The following UNC5A variants were observed in gnomAD, a reference collection of about 807,000 sequenced individuals.
UNC5A encodes unc-5 netrin receptor A.
UNC5A carries 20 observed loss-of-function variants against 87.4 expected under a neutral mutation model. That is an observed-to-expected ratio of 0.23 (90% CI 0.16 to 0.33). The LOEUF is 0.33. Ranked by LOEUF, UNC5A falls within the 10% of genes least tolerant of loss-of-function variation. The pLI is 1.00. For missense variants in UNC5A, 844 were observed against 1,133.4 expected (o/e 0.74, Z 3.67); for synonymous variants, 438 against 482.3 (o/e 0.91, Z 1.20).
intron 1 of UNC5A, among the ~76,000 whole-genome samples, chr5:176,855,544 G>C (rs1386310587): frequency 2.0e-5 from 3 of 152,252 alleles, no homozygotes; most frequent in African/African-American, 7.2e-5. Context: ...CAGCCAGAAA[G>C]TGAGAGGGAG....
At chr5:176,872,784 C>T (rs867144619) in intron 6 of UNC5A, among the ~76,000 whole-genome samples, 3 of 99,350 alleles carry the variant, frequency 3.0e-5, no homozygotes, top group Admixed American at 2.0e-4. Flanking sequence ...CTGCCCACAC[C>T]TGCCCCAACA....
chr5:176,830,489 C>T (rs1392493959), intron 1 of UNC5A, among the ~76,000 whole-genome samples: 5 of 111,342 alleles, frequency 4.5e-5, no homozygotes, highest in African/African-American at 1.5e-4. Context: ...TGTGTGCCGG[C>T]GTATGTGTGT....
Position 176,879,396 on chromosome 5 carries a change from C to T in UNC5A, c.2271C>T (p.Phe757=), listed in dbSNP as rs1758357280. The change falls in exon 14 of 15, where the codon TTC becomes TTT. Residue 757 remains phenylalanine (F), a synonymous_variant. Transcript: ENST00000329542. ...LVGPSAFKIP[F]LIRQKIISSL... ...GCCCCAGTGCCTTCAAGATCCCCTT[C>T]CTCATTCGGCAGAAGATAATTTCCA... The T allele has an allele frequency of 1.2e-6, 2 of 1,612,910 alleles. No individual in the cohort carries two copies. The highest frequency in any genetic ancestry group is 1.7e-5 in the Admixed American group (1 of 59,990).
intron 1 of UNC5A, among the ~76,000 whole-genome samples, chr5:176,850,722 GT>G (rs1757521410): frequency 1.3e-5 from 2 of 152,190 alleles, no homozygotes; most frequent in Admixed American, 1.3e-4. Flanking sequence ...TGGGAGCTGG[GT>G]TTGTCCCTAG....
chr5:176,880,001 T>A lies in UNC5A; in HGVS notation c.*115T>A, dbSNP rs1479544443. 1.5e-6 allele frequency: 2 copies of A among 1,363,302 alleles called. No individual in the cohort carries two copies. Among genetic ancestry groups the A allele is most frequent in the Admixed American group, 5.1e-5 (2 of 39,208 alleles). 84.5% of individuals were successfully genotyped at this position (1,363,302 alleles called of 1,614,324 possible). A position where few individuals can be genotyped will look rare whatever the true frequency, so the allele number is the denominator to read the frequency against. On this transcript the variant is annotated 3_prime_UTR_variant, in exon 15 of 15. Transcript: ENST00000329542. The stretch of plus-strand genomic sequence containing the variant: ...GGGAGAGCTGCTCGGACAGGCCCCC[T>A]CCCGGCCGAAGCTGTCCCTTAATGC...
At chr5:176,827,923 A>T (rs559389685) in intron 1 of UNC5A, among the ~76,000 whole-genome samples, 8 of 90,396 alleles carry the variant, frequency 8.8e-5, no homozygotes, top group African/African-American at 3.4e-4. Context: ...TCGTGGTTCA[A>T]GATTGGCAAC....
At chr5:176,853,506 C>T (rs1233681270) in intron 1 of UNC5A, among the ~76,000 whole-genome samples, 1 of 152,226 alleles carries the variant, frequency 6.6e-6, no homozygotes, top group Non-Finnish European at 1.5e-5. Context: ...CCCTGGAGCC[C>T]ACTGGGGAAG....
At chr5:176,816,431 C>A (rs1756590368) in intron 1 of UNC5A, among the ~76,000 whole-genome samples, 1 of 152,276 alleles carries the variant, frequency 6.6e-6, no homozygotes. Flanking sequence ...AGGCCCACCC[C>A]CTTCCTGGGC....
intron 2 of UNC5A, chr5:176,864,865 C>T (rs1296517964): frequency 4.4e-6 from 2 of 455,744 alleles, no homozygotes; most frequent in African/African-American, 4.0e-5. Flanking sequence ...GAACCCTGGG[C>T]ACCAACACCT....
intron 1 of UNC5A, among the ~76,000 whole-genome samples, chr5:176,822,254 C>A (rs934071593): frequency 2.0e-4 from 31 of 152,248 alleles, no homozygotes; most frequent in Admixed American, 2.0e-3. Context: ...TTTTGGCCCC[C>A]CTCTGTGACA....
intron 2 of UNC5A, among the ~76,000 whole-genome samples, chr5:176,867,390 G>A (rs756333094): frequency 5.9e-5 from 9 of 152,258 alleles, no homozygotes; most frequent in Admixed American, 2.0e-4. Flanking sequence ...TAGGCAGAGC[G>A]GGTCCTAGAC....
At chr5:176,863,631 G>A (rs937351476) in intron 2 of UNC5A, among the ~76,000 whole-genome samples, 3 of 151,856 alleles carry the variant, frequency 2.0e-5, no homozygotes, top group Non-Finnish European at 4.4e-5. Context: ...GGGGACGTGG[G>A]CAGACAGCCC....
intron 1 of UNC5A, among the ~76,000 whole-genome samples, chr5:176,825,062 C>T (rs1286029423): frequency 6.6e-6 from 1 of 152,124 alleles, no homozygotes; most frequent in African/African-American, 2.4e-5. Flanking sequence ...TTCGCCTGTT[C>T]AGTTTGAAGT....
At chr5:176,853,573 G>C (rs1322565579) in intron 1 of UNC5A, among the ~76,000 whole-genome samples, 1 of 152,218 alleles carries the variant, frequency 6.6e-6, no homozygotes, top group Non-Finnish European at 1.5e-5. Context: ...ACACCTTCAT[G>C]CACACGTTAC....
intron 2 of UNC5A, chr5:176,864,924 C>T (rs1343819372): frequency 4.6e-6 from 2 of 436,964 alleles, no homozygotes; most frequent in Non-Finnish European, 4.6e-6. Context: ...CAGAGGCCTC[C>T]CTGCCCAGCA....
chr5:176,812,727 A>G lies in UNC5A; in HGVS notation c.70+1907A>G, dbSNP rs1268943054. Among the ~76,000 whole-genome samples the G allele has an allele frequency of 2.0e-5, 3 of 152,142 alleles. No individual in the cohort carries two copies. In the East Asian group the frequency reaches 5.8e-4, roughly 29 times the overall value. On this transcript the variant is annotated intron_variant, in intron 1 of 14. Transcript: ENST00000329542. The stretch of plus-strand genomic sequence containing the variant: ...GTCGGCAGGTGGGCACAGGTGCTGC[A>G]GGGGCTGACGCAGAGCCTGCCCCAA...
At chr5:176,843,495 C>A (rs1757330203) in intron 1 of UNC5A, among the ~76,000 whole-genome samples, 1 of 152,174 alleles carries the variant, frequency 6.6e-6, no homozygotes. Context: ...GGGGGTGAAG[C>A]TATTCTGTGT....
At chr5:176,845,757 T>A (rs1757388620) in intron 1 of UNC5A, among the ~76,000 whole-genome samples, 1 of 152,144 alleles carries the variant, frequency 6.6e-6, no homozygotes, top group South Asian at 2.1e-4. Flanking sequence ...GGCACTACAG[T>A]GCAACAGGGC....
chr5:176,821,191 G>A lies in UNC5A; in HGVS notation c.70+10371G>A, dbSNP rs78040642. On this transcript the variant is annotated intron_variant, in intron 1 of 14. Transcript: ENST00000329542. ...TGGCATTGCCCACAAGCCTCACGCC[G>A]CTGCACCTGTGCTCTGCTTCCGAGC... 9.9e-3 allele frequency among the ~76,000 whole-genome samples: 1,504 copies of A among 152,230 alleles called. 33 individuals are homozygous for A. Among genetic ancestry groups the A allele is most frequent in the African/African-American group, 0.034 (1,429 of 41,528 alleles).
Sources: gnomAD v4.1 joint callset for allele counts (sites outside exome capture counted in the v4.1 genomes callset) on GRCh38, gnomAD v4.1.1 for gene constraint, MANE v1.5 for transcripts, NCBI Gene and HGNC (gene_info 2026-07-23, HGNC 2026-07-21) for gene names.